C10orf90: variants seen among roughly 807,000 people sequenced by gnomAD.
C10orf90 encodes the protein chromosome 10 open reading frame 90, also known as (E2-independent) E3 ubiquitin-conjugating enzyme FATS.
C10orf90 carries 56 observed loss-of-function variants against 62.5 expected under a neutral mutation model. The ratio of observed to expected loss-of-function variants is 0.90; its 90% CI spans 0.72 to 1.12. C10orf90 has a LOEUF of 1.12. C10orf90 is among the 50% of genes most tolerant of loss of function. C10orf90 has a pLI of 0.00. For synonymous variants in C10orf90, 386 were observed against 340.4 expected, an observed-to-expected ratio of 1.13 and a Z score of -1.47; for missense variants, 970 against 880.4, an observed-to-expected ratio of 1.10 and a Z score of -1.29.
At position 126,630,595 on chromosome 10, in the gene C10orf90, A is replaced by G. The variant is rs192821903; in HGVS notation, c.313+15970T>C. Reference sequence around the variant, plus strand: ...GTCTGGTCTAAAGTCAACAATTACCATGAGTGATCACCCAGTGCTGTCTGT... The same window carrying G: ...GTCTGGTCTAAAGTCAACAATTACCGTGAGTGATCACCCAGTGCTGTCTGT... On this transcript the variant is annotated intron_variant, in intron 2 of 9. Coordinates refer to ENST00000488181, the MANE Select transcript of C10orf90 (RefSeq NM_001350921.2). Among the ~76,000 whole-genome samples the G allele has an allele frequency of 2.3e-4, 35 of 152,266 alleles. 1 individual carries two copies. The highest frequency in any genetic ancestry group is 8.2e-4 in the African/African-American group (34 of 41,568).
intron 7 of C10orf90, among the ~76,000 whole-genome samples, chr10:126,457,884 T>C (rs1336182631): frequency 6.6e-6 from 1 of 152,226 alleles, no homozygotes; most frequent in Non-Finnish European, 1.5e-5. Context: ...GCCAATGGAC[T>C]TATAGCACTG....
chr10:126,460,896 T>A lies in C10orf90; in HGVS notation c.2010+505A>T, dbSNP rs1406395221. 3.9e-5 allele frequency among the ~76,000 whole-genome samples: 6 copies of A among 152,218 alleles called. 1 individual carries two copies. The highest frequency in any genetic ancestry group is 7.2e-5 in the African/African-American group (3 of 41,452). ...TAATTTTTATTTCTCTGTATTTTTT[T>A]AAACTTTATAAAATGTGTGCATACT... On this transcript the variant is annotated intron_variant, in intron 6 of 9. Coordinates refer to ENST00000488181, the MANE Select transcript of C10orf90 (RefSeq NM_001350921.2).
chr10:126,495,967 A>G (rs2133854595), intron 4 of C10orf90, among the ~76,000 whole-genome samples: 1 of 152,306 alleles, frequency 6.6e-6, no homozygotes, highest in East Asian at 1.9e-4. Flanking sequence ...CTTGTAAAGG[A>G]CAAGCAAGCA....
intron 2 of C10orf90, among the ~76,000 whole-genome samples, chr10:126,551,693 AC>A (rs1431026057): frequency 2.0e-5 from 3 of 152,336 alleles, no homozygotes; most frequent in African/African-American, 7.2e-5. Flanking sequence ...GCATCTGAGG[AC>A]ATTTTATATA....
intron 1 of C10orf90, among the ~76,000 whole-genome samples, chr10:126,654,354 A>G (rs537314763): frequency 5.3e-5 from 8 of 152,344 alleles, no homozygotes; most frequent in Admixed American, 5.2e-4. Flanking sequence ...CAGCTTCTAC[A>G]TTAGGGTTGC....
chr10:126,642,279 T>TC (rs375996336), intron 2 of C10orf90, among the ~76,000 whole-genome samples: 2 of 152,262 alleles, frequency 1.3e-5, no homozygotes, highest in African/African-American at 4.8e-5. Flanking sequence ...ACGCTTGTAA[T>TC]CCCAGCACTT....
intron 7 of C10orf90, among the ~76,000 whole-genome samples, chr10:126,438,530 AT>A (rs1858072035): frequency 6.6e-6 from 1 of 152,202 alleles, no homozygotes; most frequent in Non-Finnish European, 1.5e-5. Flanking sequence ...TTCTAAAAGA[AT>A]ACAGTATACG....
At chr10:126,563,566 A>G (rs1301244470) in intron 2 of C10orf90, among the ~76,000 whole-genome samples, 2 of 152,178 alleles carry the variant, frequency 1.3e-5, no homozygotes, top group African/African-American at 4.8e-5. Flanking sequence ...TATTTGTGTG[A>G]AAATGTGTGG....
chr10:126,527,106 CACCACAT>C (rs11277472), intron 2 of C10orf90, among the ~76,000 whole-genome samples: 131,778 of 151,572 alleles, frequency 0.87, 57,368 homozygotes, highest in Middle Eastern at 0.95. Context: ...CGTATGATCA[CACCACAT>C]ACCACATTTA....
At chr10:126,647,365 T>C (rs1047766536) in intron 1 of C10orf90, among the ~76,000 whole-genome samples, 3 of 152,206 alleles carry the variant, frequency 2.0e-5, no homozygotes, top group Non-Finnish European at 4.4e-5. Context: ...AACACAGTCA[T>C]AGAGCATGAG....
intron 2 of C10orf90, among the ~76,000 whole-genome samples, chr10:126,607,087 C>T (rs1444984747): frequency 1.3e-5 from 2 of 152,144 alleles, no homozygotes; most frequent in African/African-American, 4.8e-5. Flanking sequence ...GTGCGGAAGT[C>T]ATGATGGGTG....
At chr10:126,549,639 A>G (rs541174621) in intron 2 of C10orf90, among the ~76,000 whole-genome samples, 7 of 152,216 alleles carry the variant, frequency 4.6e-5, no homozygotes, top group Admixed American at 1.3e-4. Flanking sequence ...TAACTATTCT[A>G]TGAGTCAACA....
In C10orf90 at chr10:126,462,245, C is replaced by A. The variant is rs563477137; in HGVS notation, c.1826-660G>T. ...ACTCAGCAAGCAACACAATGTCCTT[C>A]ACTCTGTCCTTAGCTCACCCCTCCC... On this transcript the variant is annotated intron_variant, in intron 5 of 9. Transcript: ENST00000488181. 3.9e-5 allele frequency among the ~76,000 whole-genome samples: 6 copies of A among 152,234 alleles called. No individual in the cohort carries two copies. In the East Asian group the frequency reaches 1.2e-3, roughly 29 times the overall value.
At position 126,533,462 on chromosome 10, in the gene C10orf90, T is replaced by C. The variant is rs1358782763; in HGVS notation, c.314-19523A>G. 2.0e-5 allele frequency among the ~76,000 whole-genome samples: 3 copies of C among 152,222 alleles called. No homozygotes were observed. In the East Asian group the frequency reaches 5.8e-4, roughly 29 times the overall value. On this transcript the variant is annotated intron_variant, in intron 2 of 9. Transcript: ENST00000488181. The stretch of plus-strand genomic sequence containing the variant: ...AAACTCAAGGAAATCTGTCTTATCA[T>C]GTAAAAACCAGCTCAAATTGTTTCA...
At chr10:126,505,338 T>G (rs1564841574) in intron 3 of C10orf90, among the ~76,000 whole-genome samples, 1 of 152,184 alleles carries the variant, frequency 6.6e-6, no homozygotes, top group African/African-American at 2.4e-5. Flanking sequence ...GGGCATCTAT[T>G]CTTAATTTAT....
chr10:126,618,198 A>G (rs1396003025), intron 2 of C10orf90, among the ~76,000 whole-genome samples: 1 of 152,200 alleles, frequency 6.6e-6, no homozygotes, highest in Non-Finnish European at 1.5e-5. Context: ...TTTTGGACCT[A>G]AGAAAGAGAG....
intron 2 of C10orf90, among the ~76,000 whole-genome samples, chr10:126,630,596 T>C (rs1487449177): frequency 6.6e-6 from 1 of 152,096 alleles, no homozygotes; most frequent in African/African-American, 2.4e-5. Flanking sequence ...ACAATTACCA[T>C]GAGTGATCAC....
Position 126,504,804 on chromosome 10 carries a change from G to A in C10orf90, c.687C>T (p.Gly229=), listed in dbSNP as rs1564840690. 1.3e-6 allele frequency: 2 copies of A among 1,587,346 alleles called. No individual in the cohort carries two copies. The highest frequency in any genetic ancestry group is 1.7e-5 in the Admixed American group (1 of 57,876). Reference sequence around the variant, plus strand: ...TGATGGATGCAAACCCTCTGCGGGGGCCCCCACAGGGTCTCTCCTCTTTGG... The same window carrying A: ...TGATGGATGCAAACCCTCTGCGGGGACCCCCACAGGGTCTCTCCTCTTTGG... ...LPPKEERPCG[G]PRRGFASITI... is the part of the protein sequence containing the mutation. Residue 229 remains glycine, a synonymous_variant, in exon 4 of 10, where the codon GGC becomes GGT. Coordinates refer to ENST00000488181, the MANE Select transcript of C10orf90 (RefSeq NM_001350921.2). The surrounding 1 kb of genome is among the most constrained non-coding windows in gnomAD (Gnocchi z 4.1).
At chr10:126,454,850 C>T (rs1054481086) in intron 7 of C10orf90, among the ~76,000 whole-genome samples, 2 of 152,118 alleles carry the variant, frequency 1.3e-5, no homozygotes, top group Non-Finnish European at 2.9e-5. Context: ...GGAAGCCTTG[C>T]TTATCACTCC....
Sources: gnomAD v4.1 joint callset for allele counts (sites outside exome capture counted in the v4.1 genomes callset) on GRCh38, gnomAD v4.1.1 for gene constraint, Gnocchi (gnomAD v3.1) non-coding constraint, MANE v1.5 for transcripts, NCBI Gene and HGNC (gene_info 2026-07-23, HGNC 2026-07-21) for gene names.